Variants in EPHB1 observed in about 807,000 individuals in gnomAD.
EPHB1 encodes EPH receptor B1, also known as ephrin type-B receptor 1.
Under a neutral mutation model 94.4 loss-of-function variants are expected in EPHB1, and 30 were observed. That is an observed-to-expected ratio of 0.32 (90% CI 0.24 to 0.43). The LOEUF (loss-of-function observed/expected upper bound fraction) is 0.43. EPHB1 is among the 20% of genes least tolerant of loss of function. The pLI, the probability that EPHB1 is intolerant of heterozygous loss-of-function variation, is 1.00. For synonymous variants in EPHB1, 522 were observed against 489.1 expected, an observed-to-expected ratio of 1.07 and a Z score of -0.89; for missense variants, 1,055 against 1,308.3, an observed-to-expected ratio of 0.81 and a Z score of 2.99.
At chr3:135,190,289 G>A (rs79642661) in intron 10 of EPHB1, among the ~76,000 whole-genome samples, 2,417 of 152,280 alleles carry the variant, frequency 0.016, 26 homozygotes, top group Middle Eastern at 0.034. Flanking sequence ...ACATTTGTGT[G>A]CTGTCTCCTC....
chr3:135,132,524 G>C (rs1268992958), intron 4 of EPHB1, among the ~76,000 whole-genome samples, 190 bp from the exon 5 acceptor site: 1 of 152,114 alleles, frequency 6.6e-6, no homozygotes, highest in Non-Finnish European at 1.5e-5. Context: ...ATGGGAGCTA[G>C]GGACAAGTTG....
At chr3:135,021,549 T>C (rs1935989420) in intron 3 of EPHB1, among the ~76,000 whole-genome samples, 1 of 151,556 alleles carries the variant, frequency 6.6e-6, no homozygotes, top group South Asian at 2.1e-4. Flanking sequence ...TTTCTAATTA[T>C]AAGATATTTT....
chr3:134,929,966 C>G (rs191962336), intron 2 of EPHB1, among the ~76,000 whole-genome samples: 1 of 152,300 alleles, frequency 6.6e-6, no homozygotes, highest in African/African-American at 2.4e-5. Context: ...GATTGTTTCT[C>G]TGCAGTCAGG....
chr3:135,001,720 C>T (rs1332662166), intron 3 of EPHB1, among the ~76,000 whole-genome samples: 1 of 152,140 alleles, frequency 6.6e-6, no homozygotes, highest in Non-Finnish European at 1.5e-5. Flanking sequence ...TCCTTCTTGC[C>T]TCCTCTATGT....
At chr3:135,206,179 T>C (rs564036297) in intron 12 of EPHB1, among the ~76,000 whole-genome samples, 11 of 152,336 alleles carry the variant, frequency 7.2e-5, no homozygotes, top group Admixed American at 2.0e-4. Context: ...AAGAGAACCG[T>C]TCATGTTGTG....
At chr3:135,254,198 C>A (rs1426210377) in intron 15 of EPHB1, among the ~76,000 whole-genome samples, 2 of 73,104 alleles carry the variant, frequency 2.7e-5, no homozygotes, top group Non-Finnish European at 2.8e-5. Context: ...AATTGAATAC[C>A]CTTTATTTCC....
At chr3:134,898,796 G>T (rs1382881107) in intron 1 of EPHB1, among the ~76,000 whole-genome samples, 1 of 152,172 alleles carries the variant, frequency 6.6e-6, no homozygotes, top group Non-Finnish European at 1.5e-5. Context: ...CTTCAGGGGA[G>T]CTCAGCTTTC....
intron 1 of EPHB1, among the ~76,000 whole-genome samples, chr3:134,905,849 G>A (rs1434332081): frequency 1.3e-5 from 2 of 152,134 alleles, no homozygotes; most frequent in Admixed American, 6.5e-5. Context: ...GGACTGTTTC[G>A]ATTGAGCATC....
rs746206526 is a variant in EPHB1, at chr3:135,192,799, T to C, written c.2106T>C (p.Asn702=). 6.2e-7 allele frequency: 1 copy of C among 1,614,078 alleles called. No homozygotes were observed. Among genetic ancestry groups the C allele is most frequent in the South Asian group, 1.1e-5 (1 of 91,068 alleles). Residue 702 remains asparagine (N), a synonymous_variant, in exon 11 of 16, where the codon AAT becomes AAC. Transcript: ENST00000398015. ...PVMIITEFME[N]GALDSFLRQN... ...TGATCATCACAGAGTTCATGGAGAA[T>C]GGTGCATTGGATTCTTTCCTCAGGG...
chr3:134,891,491 G>C (rs1256768364), intron 1 of EPHB1, among the ~76,000 whole-genome samples: 1 of 152,176 alleles, frequency 6.6e-6, no homozygotes, highest in Non-Finnish European at 1.5e-5. Flanking sequence ...CACCAAAATA[G>C]AAAGTATCCA....
chr3:134,912,975 T>C (rs957325677), intron 1 of EPHB1, among the ~76,000 whole-genome samples: 2 of 152,204 alleles, frequency 1.3e-5, no homozygotes, highest in Non-Finnish European at 2.9e-5. Flanking sequence ...GGAGCTGAGA[T>C]AGAAGGAAAA....
intron 1 of EPHB1, among the ~76,000 whole-genome samples, chr3:134,826,796 A>G (rs997022966): frequency 7.2e-5 from 11 of 152,190 alleles, no homozygotes; most frequent in Admixed American, 1.3e-4. Flanking sequence ...TCATCTTTCT[A>G]TTTTGTAGGG....
intron 1 of EPHB1, among the ~76,000 whole-genome samples, chr3:134,870,710 C>A (rs1006631961): frequency 6.6e-6 from 1 of 152,250 alleles, no homozygotes; most frequent in African/African-American, 2.4e-5. Flanking sequence ...CTCAGAAGTT[C>A]TGTCAATACA....
intron 1 of EPHB1, among the ~76,000 whole-genome samples, chr3:134,894,701 C>T (rs951852446): frequency 5.3e-5 from 8 of 152,352 alleles, no homozygotes; most frequent in Admixed American, 5.2e-4. Context: ...CTGCTGTGCG[C>T]TTTTCAACAT....
chr3:135,226,790 G>T (rs1943414183), intron 12 of EPHB1, among the ~76,000 whole-genome samples: 1 of 151,594 alleles, frequency 6.6e-6, no homozygotes, highest in African/African-American at 2.4e-5. Flanking sequence ...TGTTATTATG[G>T]CTTTATTTAA....
chr3:135,059,500 G>A, intron 3 of EPHB1, among the ~76,000 whole-genome samples: 1 of 152,136 alleles, frequency 6.6e-6, no homozygotes, highest in Non-Finnish European at 1.5e-5. Flanking sequence ...AGAGGGGGAG[G>A]GAAAGGCAGG....
chr3:135,070,006 A>G (rs1190060141), intron 3 of EPHB1, among the ~76,000 whole-genome samples: 2 of 152,174 alleles, frequency 1.3e-5, no homozygotes, highest in African/African-American at 4.8e-5. Context: ...ACATAGCCTG[A>G]ATCTATAGAA....
At chr3:134,818,667 T>C (rs573306242) in intron 1 of EPHB1, among the ~76,000 whole-genome samples, 1 of 152,334 alleles carries the variant, frequency 6.6e-6, no homozygotes, top group Admixed American at 6.5e-5. Context: ...TCCAGTCTCA[T>C]CCAGATCACT....
intron 3 of EPHB1, among the ~76,000 whole-genome samples, chr3:135,027,662 T>C (rs1459122118): frequency 1.3e-5 from 2 of 151,676 alleles, no homozygotes; most frequent in African/African-American, 4.8e-5. Flanking sequence ...TCAAGGATAT[T>C]GGTGATATTG....
Sources: allele counts gnomAD v4.1 joint callset (sites outside exome capture counted in the v4.1 genomes callset), GRCh38; gene constraint gnomAD v4.1.1; transcripts MANE v1.5; gene names NCBI Gene and HGNC (gene_info 2026-07-23, HGNC 2026-07-21).